The following ADAMTSL1 variants were observed in gnomAD, a reference collection of about 807,000 sequenced individuals.
The protein encoded by ADAMTSL1 is ADAMTS like 1.
In ADAMTSL1, 126 loss-of-function variants were observed where a neutral mutation model predicts 201.8. The observed-to-expected ratio is 0.62, with a 90% CI of 0.54 to 0.72. The LOEUF is 0.72. ADAMTSL1 is among the 30% of genes least tolerant of loss of function. ADAMTSL1 has a pLI of 0.00. For synonymous variants in ADAMTSL1, 1,121 were observed against 903.4 expected, an observed-to-expected ratio of 1.24 and a Z score of -4.32; for missense variants, 2,679 against 2,277.8, an observed-to-expected ratio of 1.18 and a Z score of -3.59.
intron 4 of ADAMTSL1, among the ~76,000 whole-genome samples, chr9:18,580,373 C>G (rs1261675702): frequency 6.6e-6 from 1 of 152,190 alleles, no homozygotes; most frequent in Non-Finnish European, 1.5e-5. Context: ...CCATCTCTGT[C>G]TGTGACCTAA....
chr9:17,953,879 T>A lies in ADAMTSL1; in HGVS notation c.87+46957T>A, dbSNP rs146940386. Among the ~76,000 whole-genome samples, 971 of 152,292 alleles carry A rather than the reference T, an allele frequency of 6.4e-3. 10 individuals carry two copies. The highest frequency in any genetic ancestry group is 0.022 in the African/African-American group (919 of 41,568). ...AGCTGAGGAGGTTTTCTCTGCACCA[T>A]CATGACTGGGCTCTCAGATGAAATA... On this transcript the variant is annotated intron_variant, in intron 1 of 29. Coordinates refer to the ADAMTSL1 transcript ENST00000680146.
At position 18,144,096 on chromosome 9, in the gene ADAMTSL1, A is replaced by G. The variant is rs564932780; in HGVS notation, c.88-19766A>G. Among the ~76,000 whole-genome samples the G allele has an allele frequency of 1.1e-4, 17 of 152,308 alleles. No homozygotes were observed. In the South Asian group the frequency reaches 3.5e-3, roughly 32 times the overall value. On this transcript the variant is annotated intron_variant, in intron 1 of 29. Coordinates refer to the ADAMTSL1 transcript ENST00000680146. ...AATGGAACTCTCTCCTGATTTTGAG[A>G]GTTAAAACTTACTACAAGGACAAGT...
intron 1 of ADAMTSL1, among the ~76,000 whole-genome samples, chr9:18,501,232 C>T (rs948438520): frequency 1.3e-5 from 2 of 151,906 alleles, no homozygotes; most frequent in South Asian, 2.1e-4. Context: ...GAAATGGGGC[C>T]GAGCGTGATG....
intron 26 of ADAMTSL1, among the ~76,000 whole-genome samples, chr9:18,893,424 A>T (rs1042737930): frequency 4.6e-5 from 7 of 152,168 alleles, no homozygotes; most frequent in Admixed American, 4.6e-4. Context: ...CCCTTTCTGC[A>T]TTCCTTCCCC....
intron 2 of ADAMTSL1, among the ~76,000 whole-genome samples, chr9:18,272,587 G>A (rs1374780840): frequency 1.3e-5 from 2 of 152,160 alleles, no homozygotes; most frequent in African/African-American, 2.4e-5. Flanking sequence ...TGTTTTTGTT[G>A]AAATTTTTGG....
intron 5 of ADAMTSL1, among the ~76,000 whole-genome samples, chr9:18,624,772 G>A (rs1310182388): frequency 6.6e-6 from 1 of 152,078 alleles, no homozygotes; most frequent in Admixed American, 6.6e-5. Flanking sequence ...CAAATTGAGA[G>A]CCCTATATCA....
At chr9:18,286,740 A>G (rs1484878773) in intron 2 of ADAMTSL1, among the ~76,000 whole-genome samples, 1 of 54,642 alleles carries the variant, frequency 1.8e-5, no homozygotes, top group East Asian at 1.0e-3. Flanking sequence ...TCCATAGAAG[A>G]GAACACATTT....
chr9:18,040,939 T>C (rs1178772167), intron 1 of ADAMTSL1, among the ~76,000 whole-genome samples: 2 of 152,154 alleles, frequency 1.3e-5, no homozygotes, highest in Admixed American at 1.3e-4. Flanking sequence ...TTGGCACCAA[T>C]TGGTTTTAAA....
chr9:18,045,573 C>T (rs1194119719), intron 1 of ADAMTSL1, among the ~76,000 whole-genome samples: 1 of 152,080 alleles, frequency 6.6e-6, no homozygotes, highest in Non-Finnish European at 1.5e-5. Flanking sequence ...GGGTAGGTCC[C>T]AGAGGGAATT....
chr9:18,537,013 T>C (rs1363365047), intron 3 of ADAMTSL1, among the ~76,000 whole-genome samples: 1 of 152,190 alleles, frequency 6.6e-6, no homozygotes, highest in Non-Finnish European at 1.5e-5. Context: ...GCCACACTGC[T>C]TGTGGTAGCT....
chr9:18,503,327 C>G (rs1822938710), intron 1 of ADAMTSL1, among the ~76,000 whole-genome samples: 2 of 151,194 alleles, frequency 1.3e-5, no homozygotes, highest in Admixed American at 6.6e-5. Context: ...TCATGTCTGA[C>G]TTATTTCACT....
intron 2 of ADAMTSL1, among the ~76,000 whole-genome samples, chr9:18,517,165 C>G (rs1401501845): frequency 6.6e-6 from 1 of 152,110 alleles, no homozygotes; most frequent in African/African-American, 2.4e-5. Context: ...AGATCATTTG[C>G]AAACCTTATG....
intron 2 of ADAMTSL1, among the ~76,000 whole-genome samples, chr9:18,301,552 A>G (rs1379472068): frequency 6.6e-6 from 1 of 152,208 alleles, no homozygotes; most frequent in East Asian, 1.9e-4. Flanking sequence ...AATGAAATAG[A>G]ACCATTATGA....
intron 4 of ADAMTSL1, among the ~76,000 whole-genome samples, chr9:18,611,398 T>G (rs575440327): frequency 6.6e-6 from 1 of 152,156 alleles, no homozygotes; most frequent in African/African-American, 2.4e-5. Context: ...CTGCTGAGAA[T>G]GAATTGTAGT....
chr9:18,149,101 CTTTGG>C (rs1826787676), intron 1 of ADAMTSL1, among the ~76,000 whole-genome samples: 1 of 151,976 alleles, frequency 6.6e-6, no homozygotes, highest in South Asian at 2.1e-4. Context: ...ATTCCCCAAA[CTTTGG>C]AGAGTAGCTC....
At chr9:18,802,421 A>G (rs1276355532) in intron 20 of ADAMTSL1, among the ~76,000 whole-genome samples, 1 of 152,198 alleles carries the variant, frequency 6.6e-6, no homozygotes, top group East Asian at 1.9e-4. Flanking sequence ...TATACTTTAA[A>G]TCTCCATAAA....
chr9:18,545,630 G>A (rs1196663199), intron 3 of ADAMTSL1, among the ~76,000 whole-genome samples: 1 of 152,108 alleles, frequency 6.6e-6, no homozygotes, highest in Non-Finnish European at 1.5e-5. Context: ...TCTCCTTTGA[G>A]CGTCTCTGCC....
chr9:18,728,390 T>C (rs900576782), intron 15 of ADAMTSL1, among the ~76,000 whole-genome samples: 7 of 152,156 alleles, frequency 4.6e-5, no homozygotes, highest in African/African-American at 1.7e-4. Flanking sequence ...TGTCTTTATA[T>C]AGACCGTTGG....
At chr9:17,917,239 T>C (rs71504889) in intron 1 of ADAMTSL1, among the ~76,000 whole-genome samples, 8 of 152,052 alleles carry the variant, frequency 5.3e-5, no homozygotes, top group Non-Finnish European at 1.0e-4. Context: ...ATGTCTTTTA[T>C]GAAATTTTTT....
Sources: allele counts gnomAD v4.1 joint callset (sites outside exome capture counted in the v4.1 genomes callset), GRCh38; gene constraint gnomAD v4.1.1; transcripts MANE v1.5; gene names NCBI Gene and HGNC (gene_info 2026-07-23, HGNC 2026-07-21).